PTK2: variants seen among roughly 807,000 people sequenced by gnomAD.
PTK2 encodes focal adhesion kinase 1.
PTK2 carries 45 observed loss-of-function variants against 150.1 expected under a neutral mutation model. That is an observed-to-expected ratio of 0.30 (90% confidence interval 0.24 to 0.38). The LOEUF (loss-of-function observed/expected upper bound fraction) is 0.38. Among genes scored for constraint, PTK2 ranks in the 10% least tolerant of loss-of-function variants. The probability of loss-of-function intolerance (pLI) is 1.00; values close to 1 mark genes in which losing one functional copy is unlikely to be tolerated. For missense variants in PTK2, 919 were observed against 1,307.3 expected (o/e 0.70, Z 4.58); for synonymous variants, 432 against 449.2 (o/e 0.96, Z 0.48).
chr8:140,801,003 T>A (rs2100094718), intron 11 of PTK2, among the ~76,000 whole-genome samples: 1 of 152,178 alleles, frequency 6.6e-6, no homozygotes. Flanking sequence ...TTAATAAAAT[T>A]TCATTATTTT....
chr8:140,774,610 G>A (rs895663325), intron 14 of PTK2, among the ~76,000 whole-genome samples: 3 of 152,170 alleles, frequency 2.0e-5, no homozygotes, highest in African/African-American at 4.8e-5. Flanking sequence ...ACTGGGCTGC[G>A]TTCCCAAGAG....
intron 18 of PTK2, among the ~76,000 whole-genome samples, chr8:140,745,186 G>A (rs2100057993): frequency 6.6e-6 from 1 of 152,158 alleles, no homozygotes; most frequent in Non-Finnish European, 1.5e-5. Context: ...GAAGGTATGA[G>A]GATAATGTAA....
chr8:140,766,645 T>C (rs765226459), intron 14 of PTK2, among the ~76,000 whole-genome samples: 7 of 152,168 alleles, frequency 4.6e-5, no homozygotes, highest in Non-Finnish European at 8.8e-5. Context: ...AAGAAACACA[T>C]GCTAAACCAA....
chr8:140,665,185 GT>G (rs2089306864), intron 30 of PTK2, among the ~76,000 whole-genome samples, 188 bp from the exon 35 acceptor site: 1 of 152,012 alleles, frequency 6.6e-6, no homozygotes, highest in Admixed American at 6.6e-5. Context: ...AGATCTGACT[GT>G]TCATTGCTCT....
At chr8:140,718,797 A>C (rs1283087246) in intron 22 of PTK2, 2 of 152,364 alleles carry the variant, frequency 1.3e-5, no homozygotes, top group Admixed American at 6.5e-5. Flanking sequence ...AATGTATTTC[A>C]TAACTGCCCC....
At chr8:140,897,342 G>A (rs892644126) in intron 2 of PTK2, among the ~76,000 whole-genome samples, 6 of 151,618 alleles carry the variant, frequency 4.0e-5, no homozygotes, top group African/African-American at 1.5e-4. Context: ...ATGTGATTTT[G>A]CTCCTATCCT....
At chr8:140,720,353 C>A (rs1398250006) in intron 22 of PTK2, among the ~76,000 whole-genome samples, 1 of 151,952 alleles carries the variant, frequency 6.6e-6, no homozygotes, top group South Asian at 2.1e-4. Context: ...AGATAAAATA[C>A]ATGCATTATC....
At chr8:140,885,326 T>C (rs2100151866) in intron 3 of PTK2, among the ~76,000 whole-genome samples, 1 of 152,204 alleles carries the variant, frequency 6.6e-6, no homozygotes, top group African/African-American at 2.4e-5. Context: ...TTGGATGCCA[T>C]ATAGTCATTC....
chr8:140,914,622 C>T (rs1282142470), intron 2 of PTK2, among the ~76,000 whole-genome samples: 2 of 152,032 alleles, frequency 1.3e-5, no homozygotes, highest in African/African-American at 2.4e-5. Context: ...TTCCCTTCTT[C>T]GTAGAACAAG....
In PTK2 at chr8:140,806,393, C is replaced by G. The variant is rs536846225; in HGVS notation, c.868-2743G>C. 2.6e-5 allele frequency among the ~76,000 whole-genome samples: 4 copies of G among 152,190 alleles called. No homozygotes were observed. In the East Asian group the frequency reaches 5.8e-4, roughly 22 times the overall value. ...TTTGCATCTGTAGCTACTGCATGCACGTACGTAACAGAGGATGTCGGAGGC... is the reference window on the plus strand; with the variant it reads ...TTTGCATCTGTAGCTACTGCATGCAGGTACGTAACAGAGGATGTCGGAGGC... On this transcript the variant is annotated intron_variant, in intron 10 of 31. Transcript: ENST00000522684.
chr8:140,668,969 T>C (rs2094007557), intron 29 of PTK2: 1 of 153,642 alleles, frequency 6.5e-6, no homozygotes, highest in Non-Finnish European at 1.4e-5. Context: ...ATAGCATCTG[T>C]TTGCAGGTCG....
chr8:140,735,295 G>A lies in PTK2; in HGVS notation c.1986C>T (p.Asp662=), dbSNP rs139495370. The stretch of plus-strand genomic sequence containing the variant: ...CAGTAAACCTGGGCCGCCTGCTGGG[G>A]TCATAGGCCCAGCATTTCGTCATAA... Residue 662 remains aspartate (D), a synonymous_variant, in exon 22 of 32, where the codon GAC becomes GAT. Transcript: ENST00000522684. 1,354 of 1,614,092 alleles carry A rather than the reference G, an allele frequency of 8.4e-4. 8 individuals carry two copies. The African/African-American group carries it at 0.016, about 19-fold the overall frequency.
chr8:140,733,965 G>A (rs933126298), intron 22 of PTK2, among the ~76,000 whole-genome samples: 11 of 152,222 alleles, frequency 7.2e-5, no homozygotes, highest in Non-Finnish European at 1.5e-4. Flanking sequence ...CTTGTTCACT[G>A]TTGGACCCAC....
intron 31 of PTK2, among the ~76,000 whole-genome samples, chr8:140,664,176 G>A (rs2085828812): frequency 6.6e-6 from 1 of 152,154 alleles, no homozygotes. Context: ...TAGAGATGGA[G>A]TTTCATCATG....
chr8:140,807,219 T>C (rs371450511), intron 10 of PTK2, among the ~76,000 whole-genome samples: 6 of 152,202 alleles, frequency 3.9e-5, no homozygotes, highest in East Asian at 1.9e-4. Flanking sequence ...CCATTACAAC[T>C]GTGATAAGGA....
At chr8:140,807,808 A>C (rs898132221) in intron 10 of PTK2, among the ~76,000 whole-genome samples, 6 of 152,206 alleles carry the variant, frequency 3.9e-5, no homozygotes, top group African/African-American at 1.4e-4. Context: ...GTTACTATAA[A>C]ATTTTAAATC....
chr8:140,954,077 GA>G (rs1385943077), intron 1 of PTK2, among the ~76,000 whole-genome samples: 1 of 151,838 alleles, frequency 6.6e-6, no homozygotes, highest in East Asian at 1.9e-4. Flanking sequence ...GAGGTTCAAG[GA>G]ATTCTCCTGC....
chr8:140,831,846 C>A (rs543200029), intron 7 of PTK2, among the ~76,000 whole-genome samples: 1 of 152,272 alleles, frequency 6.6e-6, no homozygotes, highest in South Asian at 2.1e-4. Context: ...GGAAAAGAAT[C>A]CACACAAGTT....
At chr8:140,686,666 C>T (rs2100020053) in exon 27 of PTK2, 3 of 1,613,854 alleles carry the variant, frequency 1.9e-6, no homozygotes, top group African/African-American at 1.3e-5. Context: ...CCTGTCAATA[C>T]TGCCTCGAGA....
Sources: allele counts gnomAD v4.1 joint callset (sites outside exome capture counted in the v4.1 genomes callset), GRCh38; gene constraint gnomAD v4.1.1; transcripts MANE v1.5; gene names NCBI Gene and HGNC (gene_info 2026-07-23, HGNC 2026-07-21).